DIS3L2: variants seen among roughly 807,000 people sequenced by gnomAD.
DIS3L2 encodes the protein DIS3-like exonuclease 2.
In DIS3L2, 34 loss-of-function variants were observed where a neutral mutation model predicts 97.5. That is an observed-to-expected ratio of 0.35 (90% CI 0.27 to 0.46). The LOEUF is 0.46. Among genes scored for constraint, DIS3L2 ranks in the 20% least tolerant of loss-of-function variants. DIS3L2 has a pLI of 1.00. For missense variants in DIS3L2, 1,038 were observed against 1,146.0 expected (o/e 0.91, Z 1.36); for synonymous variants, 435 against 445.2 (o/e 0.98, Z 0.29).
At chr2:232,057,811 A>G (rs1695590909) in intron 5 of DIS3L2, among the ~76,000 whole-genome samples, 1 of 152,180 alleles carries the variant, frequency 6.6e-6, no homozygotes. Context: ...GTCGCATAGA[A>G]AACTGACATA....
intron 5 of DIS3L2, among the ~76,000 whole-genome samples, chr2:232,082,964 C>T (rs530973659): frequency 7.7e-4 from 117 of 152,234 alleles, no homozygotes; most frequent in Admixed American, 6.8e-3. Flanking sequence ...TTTCACATGG[C>T]GGCCTACAAA....
chr2:232,165,501 T>G (rs1256499840), intron 9 of DIS3L2, among the ~76,000 whole-genome samples: 1 of 152,186 alleles, frequency 6.6e-6, no homozygotes, highest in Non-Finnish European at 1.5e-5. Context: ...GACTTTTCAT[T>G]TTGCATACTG....
intron 6 of DIS3L2, among the ~76,000 whole-genome samples, chr2:232,120,087 T>C (rs1472997494): frequency 2.6e-5 from 4 of 152,160 alleles, no homozygotes; most frequent in Non-Finnish European, 5.9e-5. Context: ...GCCTCTACCA[T>C]AAGATGTAGA....
intron 14 of DIS3L2, among the ~76,000 whole-genome samples, chr2:232,315,961 C>T (rs1319387336): frequency 6.6e-6 from 1 of 152,222 alleles, no homozygotes; most frequent in East Asian, 1.9e-4. Flanking sequence ...GGTCCACCCT[C>T]CAAGCCCGGG....
chr2:232,202,800 T>G (rs964536764), intron 9 of DIS3L2, among the ~76,000 whole-genome samples: 3 of 152,180 alleles, frequency 2.0e-5, no homozygotes, highest in Non-Finnish European at 2.9e-5. Context: ...TGTGAAAAAT[T>G]TGTGTTTTGT....
intron 5 of DIS3L2, among the ~76,000 whole-genome samples, chr2:232,052,614 C>A (rs1481076370): frequency 1.3e-5 from 2 of 152,166 alleles, no homozygotes; most frequent in Non-Finnish European, 2.9e-5. Flanking sequence ...TTTGAATGCA[C>A]CATGCAGCTG....
chr2:232,304,715 T>A (rs938387589), intron 14 of DIS3L2, among the ~76,000 whole-genome samples: 5 of 152,240 alleles, frequency 3.3e-5, no homozygotes, highest in African/African-American at 9.6e-5. Flanking sequence ...TGAGTGAGTG[T>A]GTGTGTCTTT....
intron 14 of DIS3L2, among the ~76,000 whole-genome samples, chr2:232,306,679 A>G (rs1229643776): frequency 1.3e-5 from 2 of 152,248 alleles, no homozygotes; most frequent in Non-Finnish European, 1.5e-5. Flanking sequence ...AATATCTGCT[A>G]TATACCTGTA....
chr2:232,339,869 C>T (rs1016677533), downstream of DIS3L2: 14 of 372,390 alleles, frequency 3.8e-5, no homozygotes, highest in African/African-American at 1.7e-4. Context: ...CAGGAGGTCC[C>T]GGGAGGACCT....
intron 6 of DIS3L2, among the ~76,000 whole-genome samples, chr2:232,092,824 T>C (rs1696884635): frequency 6.6e-6 from 1 of 152,202 alleles, no homozygotes; most frequent in Admixed American, 6.5e-5. Context: ...TATAAGATCA[T>C]ACCATCTGCA....
At chr2:232,081,881 C>T (rs146991371) in intron 5 of DIS3L2, among the ~76,000 whole-genome samples, 75 of 152,326 alleles carry the variant, frequency 4.9e-4, no homozygotes, top group East Asian at 3.3e-3. Flanking sequence ...CTTTTGCCTC[C>T]GGGTTCAAGT....
chr2:232,063,279 C>T (rs1695763506), intron 5 of DIS3L2, among the ~76,000 whole-genome samples: 2 of 152,202 alleles, frequency 1.3e-5, no homozygotes, highest in Non-Finnish European at 2.9e-5. Flanking sequence ...AGAACCTCAA[C>T]TCTACTTGTG....
intron 1 of DIS3L2, among the ~76,000 whole-genome samples, chr2:231,988,856 A>C (rs1305779821): frequency 1.3e-5 from 2 of 152,246 alleles, no homozygotes; most frequent in Non-Finnish European, 2.9e-5. Context: ...TCTTGTGTAA[A>C]ATAAAAACAA....
intron 14 of DIS3L2, among the ~76,000 whole-genome samples, chr2:232,313,081 C>T (rs2106332286): frequency 6.6e-6 from 1 of 152,176 alleles, no homozygotes; most frequent in East Asian, 1.9e-4. Context: ...TTCCAATTCT[C>T]ATGCCATGTA....
chr2:232,111,155 G>GT, intron 6 of DIS3L2: 1 of 448,594 alleles, frequency 2.2e-6, no homozygotes. Flanking sequence ...GTGCTTAAAA[G>GT]TTTAGAAACA....
At chr2:232,181,332 G>T (rs1412955752) in intron 9 of DIS3L2, among the ~76,000 whole-genome samples, 2 of 152,102 alleles carry the variant, frequency 1.3e-5, no homozygotes, top group African/African-American at 4.8e-5. Context: ...GGCGTTCTCT[G>T]TATTTCCTGA....
At chr2:231,984,058 T>C (rs1006170950) in intron 1 of DIS3L2, among the ~76,000 whole-genome samples, 35 of 152,074 alleles carry the variant, frequency 2.3e-4, no homozygotes, top group Admixed American at 6.6e-4. Context: ...TTGGATTTTC[T>C]AGATAGTGAT....
At chr2:232,334,212 C>T (rs923385330) in intron 17 of DIS3L2, among the ~76,000 whole-genome samples, 157 bp from the exon 18 acceptor site, 2 of 152,190 alleles carry the variant, frequency 1.3e-5, no homozygotes, top group Admixed American at 6.5e-5. Context: ...GGGAGGAGGG[C>T]GCTGACCTCG....
At chr2:232,183,142 A>G (rs1691338519) in intron 9 of DIS3L2, among the ~76,000 whole-genome samples, 1 of 152,210 alleles carries the variant, frequency 6.6e-6, no homozygotes, top group Non-Finnish European at 1.5e-5. Context: ...GGTGCCATTC[A>G]TGAGGAAGTG....
Sources: allele counts gnomAD v4.1 joint callset (sites outside exome capture counted in the v4.1 genomes callset), GRCh38; gene constraint gnomAD v4.1.1; transcripts MANE v1.5; gene names NCBI Gene and HGNC (gene_info 2026-07-23, HGNC 2026-07-21).